Variants in DMXL1 observed in about 807,000 individuals in gnomAD.
The protein encoded by DMXL1 is Dmx like 1, also known as dmX-like protein 1.
In DMXL1, 99 loss-of-function variants were observed where a neutral mutation model predicts 319.2. The observed-to-expected ratio is 0.31, with a 90% CI of 0.26 to 0.37. The LOEUF (loss-of-function observed/expected upper bound fraction) is 0.37, where lower values mean the gene tolerates loss of function less well. DMXL1 is among the 10% of genes least tolerant of loss of function. The pLI is 1.00. For missense variants in DMXL1, 3,745 were observed against 3,595.6 expected, an observed-to-expected ratio of 1.04 and a Z score of -1.06; for synonymous variants, 1,385 against 1,235.2, an observed-to-expected ratio of 1.12 and a Z score of -2.54.
At chr5:119,121,903 G>A (rs1297940365) in intron 9 of DMXL1, among the ~76,000 whole-genome samples, 70 of 145,096 alleles carry the variant, frequency 4.8e-4, no homozygotes, top group Non-Finnish European at 5.1e-4. Context: ...GGCTGGCCGG[G>A]CGGGGGGCTG....
chr5:119,124,341 AAGAC>A (rs1443047999), intron 9 of DMXL1, among the ~76,000 whole-genome samples: 3 of 151,768 alleles, frequency 2.0e-5, no homozygotes, highest in Non-Finnish European at 2.9e-5. Context: ...AAAAGTAAGA[AAGAC>A]CAAGGAACAA....
chr5:119,177,562 G>T, intron 27 of DMXL1, 78 bp downstream of exon 27: 2 of 1,257,414 alleles, frequency 1.6e-6, no homozygotes, highest in Non-Finnish European at 1.1e-6. Flanking sequence ...TTTTAGTTTT[G>T]CCACATGATA....
intron 42 of DMXL1, among the ~76,000 whole-genome samples, chr5:119,242,786 C>A (rs1306784308): frequency 1.3e-5 from 2 of 152,104 alleles, no homozygotes; most frequent in Non-Finnish European, 2.9e-5. Flanking sequence ...ATGGGGAGCC[C>A]ACTAATAGAC....
chr5:119,116,085 C>A (rs1454990267), intron 6 of DMXL1, 73 bp from the exon 7 acceptor site: 3 of 1,413,334 alleles, frequency 2.1e-6, no homozygotes, highest in East Asian at 4.7e-5. Flanking sequence ...GGAGAAAATT[C>A]TTACTTTTGC....
intron 19 of DMXL1, among the ~76,000 whole-genome samples, chr5:119,153,099 C>T (rs1418963224): frequency 6.6e-6 from 1 of 151,982 alleles, no homozygotes; most frequent in East Asian, 1.9e-4. Flanking sequence ...GCCTCAGCCT[C>T]TCGAATACCT....
chr5:119,124,280 A>C (rs1470245681), intron 9 of DMXL1, among the ~76,000 whole-genome samples: 2 of 149,686 alleles, frequency 1.3e-5, no homozygotes, highest in Non-Finnish European at 3.0e-5. Context: ...ACACTACTGC[A>C]CTCCAGCTTC....
chr5:119,083,694 C>T (rs1475712624), intron 1 of DMXL1, among the ~76,000 whole-genome samples: 2 of 151,822 alleles, frequency 1.3e-5, no homozygotes, highest in African/African-American at 4.8e-5. Context: ...GTGTGTGCCA[C>T]CACGCCTGGC....
At chr5:119,184,398 AT>A (rs1329857361) in intron 28 of DMXL1, among the ~76,000 whole-genome samples, 2 of 152,172 alleles carry the variant, frequency 1.3e-5, no homozygotes, top group Non-Finnish European at 2.9e-5. Flanking sequence ...ACTGAGACCA[AT>A]CATGTGATCT....
intron 4 of DMXL1, among the ~76,000 whole-genome samples, chr5:119,106,703 A>G (rs990895913): frequency 6.6e-6 from 1 of 152,192 alleles, no homozygotes; most frequent in Non-Finnish European, 1.5e-5. Flanking sequence ...GGCAAATGGA[A>G]CAGGAGAAGG....
At chr5:119,173,797 T>TATATATATAA (rs1305561997) in intron 25 of DMXL1, among the ~76,000 whole-genome samples, 1 of 130,758 alleles carries the variant, frequency 7.6e-6, no homozygotes, top group African/African-American at 2.8e-5. Context: ...TATATATATA[T>TATATATATAA]AATGAGAGAG....
rs367655188 is a variant in DMXL1, at chr5:119,115,215, G to A, written c.564+674G>A. ...TTAGACAATATATGCAGTATAGAGT[G>A]ACCGGCACAGTGCCTTTCATGTAGT... On this transcript the variant is annotated intron_variant, in intron 6 of 43. Transcript: ENST00000539542. 9.9e-5 allele frequency among the ~76,000 whole-genome samples: 15 copies of A among 152,280 alleles called. No individual in the cohort carries two copies. The South Asian group carries it at 2.7e-3, about 27-fold the overall frequency.
intron 38 of DMXL1, among the ~76,000 whole-genome samples, chr5:119,231,979 AT>A (rs540286143): frequency 1.3e-5 from 2 of 151,912 alleles, no homozygotes; most frequent in Non-Finnish European, 2.9e-5. Flanking sequence ...TTTTTTTAAG[AT>A]TTTTTTAAGA....
At chr5:119,139,020 A>G (rs954515580) in intron 13 of DMXL1, 2 of 152,254 alleles carry the variant, frequency 1.3e-5, no homozygotes, top group Non-Finnish European at 2.9e-5. Flanking sequence ...AAAGTCTTCA[A>G]CCAAGAATTT....
At chr5:119,094,276 C>G (rs995873415) in intron 1 of DMXL1, among the ~76,000 whole-genome samples, 3 of 152,166 alleles carry the variant, frequency 2.0e-5, no homozygotes, top group Non-Finnish European at 2.9e-5. Flanking sequence ...TAAGTTGAAG[C>G]CCATGCCCAT....
chr5:119,152,480 A>C (rs772556894), intron 19 of DMXL1, among the ~76,000 whole-genome samples: 16 of 152,176 alleles, frequency 1.1e-4, no homozygotes, highest in South Asian at 1.0e-3. Flanking sequence ...AAATTTACCC[A>C]CACTTAAAAC....
At chr5:119,145,009 A>T (rs1039337426) in intron 15 of DMXL1, among the ~76,000 whole-genome samples, 49 of 151,902 alleles carry the variant, frequency 3.2e-4, no homozygotes, top group Middle Eastern at 3.4e-3. Context: ...GAAGGTCCTT[A>T]ATTTAAAAAC....
At chr5:119,164,735 G>A in intron 20 of DMXL1, 59 bp downstream of exon 20, 4 of 1,462,066 alleles carry the variant, frequency 2.7e-6, no homozygotes, top group Non-Finnish European at 3.7e-6. Flanking sequence ...TTCTTTAAAT[G>A]GCATTTCATA....
Position 119,192,653 on chromosome 5 carries a change from A to G in DMXL1, c.7315-1175A>G, listed in dbSNP as rs138277713. Among the ~76,000 whole-genome samples the G allele has an allele frequency of 8.5e-4, 130 of 152,270 alleles. 1 individual carries two copies. Among genetic ancestry groups the G allele is most frequent in the African/African-American group, 3.1e-3 (128 of 41,560 alleles). On this transcript the variant is annotated intron_variant, in intron 29 of 43. Coordinates refer to ENST00000539542, the MANE Select transcript of DMXL1 (RefSeq NM_001290321.3). ...TTATCTGTCTTCTTAGCATCATTCA[A>G]CATTCTTCACTACTCCCATATTGAA... is the stretch of plus-strand genomic sequence containing the variant.
intron 20 of DMXL1, 48 bp from the exon 21 acceptor site, chr5:119,165,135 G>T: frequency 8.5e-7 from 1 of 1,182,394 alleles, no homozygotes; most frequent in South Asian, 1.3e-5. Context: ...GAAATTACTT[G>T]TTCAAAACTG....
Sources: gnomAD v4.1 joint callset for allele counts (sites outside exome capture counted in the v4.1 genomes callset) on GRCh38, gnomAD v4.1.1 for gene constraint, MANE v1.5 for transcripts, NCBI Gene and HGNC (gene_info 2026-07-23, HGNC 2026-07-21) for gene names.